Variants in MMADHC observed in about 807,000 individuals in gnomAD.
MMADHC encodes metabolism of cobalamin associated D.
In MMADHC, 23 loss-of-function variants were observed where a neutral mutation model predicts 36.3. The ratio of observed to expected loss-of-function variants is 0.63; its 90% CI spans 0.46 to 0.90. The LOEUF is 0.90. Ranked by LOEUF, MMADHC falls within the 40% of genes least tolerant of loss-of-function variation. MMADHC has a pLI of 0.00. For synonymous variants in MMADHC, 97 were observed against 116.1 expected, an observed-to-expected ratio of 0.84 and a Z score of 1.06; for missense variants, 330 against 348.0, an observed-to-expected ratio of 0.95 and a Z score of 0.41.
intron 2 of MMADHC, 28 bp downstream of exon 2, chr2:149,587,061 G>T (rs1682882131): frequency 6.2e-7 from 1 of 1,610,232 alleles, no homozygotes. Flanking sequence ...AGTTTACTAT[G>T]CTGATTCTTA....
chr2:149,573,641 G>A (rs1233143297), intron 6 of MMADHC, among the ~76,000 whole-genome samples: 1 of 152,060 alleles, frequency 6.6e-6, no homozygotes, highest in Non-Finnish European at 1.5e-5. Flanking sequence ...TAACCATTAA[G>A]ATAATACTGT....
At chr2:149,570,551 C>A (rs1019283323) in intron 7 of MMADHC, among the ~76,000 whole-genome samples, 1 of 152,118 alleles carries the variant, frequency 6.6e-6, no homozygotes, top group African/African-American at 2.4e-5. Flanking sequence ...GTATATATTC[C>A]TATCTTAAGA....
intron 3 of MMADHC, 57 bp downstream of exon 3, chr2:149,582,070 T>C (rs1682801736): frequency 1.9e-6 from 3 of 1,590,962 alleles, no homozygotes; most frequent in Non-Finnish European, 1.7e-6. Flanking sequence ...TAGAGGAAAA[T>C]ACAACTAAAA....
At chr2:149,577,790 C>A (rs966604334) in intron 4 of MMADHC, among the ~76,000 whole-genome samples, 1 of 152,156 alleles carries the variant, frequency 6.6e-6, no homozygotes. Context: ...GAGGCCAAGG[C>A]GGCCAGATCA....
At chr2:149,572,160 T>C in intron 6 of MMADHC, 1 of 391,958 alleles carries the variant, frequency 2.6e-6, no homozygotes, top group Non-Finnish European at 4.9e-6. Flanking sequence ...GTAACAAATA[T>C]TAAGACCAGA....
rs1682886661 is a variant in MMADHC at position 149,587,279 on chromosome 2, C to G, written c.-52-130G>C. 17 of 656,516 alleles carry G rather than the reference C, an allele frequency of 2.6e-5. 1 individual carries two copies. In the South Asian group the frequency reaches 3.0e-4, roughly 11 times the overall value. The allele number at this position is 656,516 out of a possible 1,614,324, so 40.7% of individuals were successfully genotyped here. A position where few individuals can be genotyped will look rare whatever the true frequency, so the allele number is the denominator to read the frequency against. On this transcript the variant is annotated intron_variant, in intron 1 of 7. Coordinates refer to ENST00000303319, the MANE Select transcript of MMADHC (RefSeq NM_015702.3). ...ACCAAAGTCCAAGCTCTCCCCGTAC[C>G]CTAAGGAGGCCAGAACTCGCCCCCA...
chr2:149,579,070 C>A (rs953108046), intron 4 of MMADHC, among the ~76,000 whole-genome samples: 3 of 150,002 alleles, frequency 2.0e-5, no homozygotes, highest in Admixed American at 1.3e-4. Context: ...GAATACAGAA[C>A]CAGTTGGAAT....
intron 2 of MMADHC, among the ~76,000 whole-genome samples, chr2:149,582,868 T>C (rs1341706656): frequency 6.6e-6 from 1 of 151,854 alleles, no homozygotes; most frequent in Non-Finnish European, 1.5e-5. Flanking sequence ...CTTTCATTCA[T>C]AAATTTTTTA....
intron 3 of MMADHC, 115 bp from the exon 4 acceptor site, chr2:149,579,763 C>G: frequency 1.1e-6 from 1 of 939,666 alleles, no homozygotes; most frequent in Non-Finnish European, 1.6e-6. Flanking sequence ...TCTTCAAAAT[C>G]TGCTTTCCCA....
At chr2:149,572,278 G>A (rs1316976980) in intron 6 of MMADHC, 2 of 410,996 alleles carry the variant, frequency 4.9e-6, no homozygotes, top group South Asian at 3.4e-5. Flanking sequence ...GGCAGAGATT[G>A]CAGTGAGCTG....
Position 149,575,699 on chromosome 2 carries a change from T to C in MMADHC, c.609+12A>G. On this transcript the variant is annotated intron_variant, in intron 6 of 7. Transcript: ENST00000303319. ...ACCATAAAATTAAATTATTAGCAAT[T>C]GAAAGAATTACCTTTTCTAAGAGCA... 1 of 1,580,048 alleles carries C rather than the reference T, an allele frequency of 6.3e-7. No individual in the cohort carries two copies. Among genetic ancestry groups the C allele is most frequent in the Non-Finnish European group, 8.6e-7 (1 of 1,160,674 alleles).
intron 2 of MMADHC, among the ~76,000 whole-genome samples, chr2:149,582,557 G>C (rs548718643): frequency 6.6e-6 from 1 of 152,210 alleles, no homozygotes; most frequent in South Asian, 2.1e-4. Context: ...ACATCTAAAA[G>C]TTGTCTTATT....
At chr2:149,583,359 A>G (rs762253466) in intron 2 of MMADHC, among the ~76,000 whole-genome samples, 23 of 152,196 alleles carry the variant, frequency 1.5e-4, no homozygotes, top group Non-Finnish European at 2.6e-4. Flanking sequence ...GAATAAAGAC[A>G]TATTTCAAAG....
chr2:149,582,959 A>G (rs1394745857), intron 2 of MMADHC, among the ~76,000 whole-genome samples: 1 of 152,202 alleles, frequency 6.6e-6, no homozygotes, highest in Non-Finnish European at 1.5e-5. Context: ...CGATTTCCCA[A>G]TACAGCCCAC....
chr2:149,582,600 C>T (rs781012280), intron 2 of MMADHC, among the ~76,000 whole-genome samples: 1 of 152,124 alleles, frequency 6.6e-6, no homozygotes, highest in Non-Finnish European at 1.5e-5. Context: ...GCACAACTAA[C>T]AAGATTCTTC....
intron 6 of MMADHC, among the ~76,000 whole-genome samples, chr2:149,572,060 C>G (rs553894369): frequency 6.6e-6 from 1 of 152,036 alleles, no homozygotes; most frequent in Non-Finnish European, 1.5e-5. Flanking sequence ...ATTACTACTA[C>G]CATGTGCATA....
Position 149,586,612 on chromosome 2 carries a change from G to A in MMADHC, c.9+477C>T, listed in dbSNP as rs1281748833. 5.9e-5 allele frequency among the ~76,000 whole-genome samples: 9 copies of A among 152,240 alleles called. No homozygotes were observed. The East Asian group carries it at 1.5e-3, about 26-fold the overall frequency. ...ATGACCGCTACATATGAATTCTATA[G>A]ATAGGATGTGTCTAATCACTGCAAA... On this transcript the variant is annotated intron_variant, in intron 2 of 7. Coordinates refer to ENST00000303319, the MANE Select transcript of MMADHC (RefSeq NM_015702.3).
chr2:149,586,791 G>A, intron 2 of MMADHC: 1 of 379,290 alleles, frequency 2.6e-6, no homozygotes, highest in Non-Finnish European at 4.7e-6. Flanking sequence ...AGCTAAAAAA[G>A]GGCCTAAACA....
At chr2:149,582,771 G>C (rs1057073847) in intron 2 of MMADHC, among the ~76,000 whole-genome samples, 6 of 152,036 alleles carry the variant, frequency 3.9e-5, no homozygotes, top group Non-Finnish European at 7.4e-5. Flanking sequence ...ATTTCAGCAC[G>C]TATCTTTGTG....
Sources: allele counts gnomAD v4.1 joint callset (sites outside exome capture counted in the v4.1 genomes callset), GRCh38; gene constraint gnomAD v4.1.1; transcripts MANE v1.5; gene names NCBI Gene and HGNC (gene_info 2026-07-23, HGNC 2026-07-21).